The following AGPAT5 variants were observed in gnomAD, a reference collection of about 807,000 sequenced individuals.
AGPAT5 encodes 1-acyl-sn-glycerol-3-phosphate acyltransferase epsilon.
A neutral mutation model predicts 45.6 loss-of-function variants in AGPAT5; 46 were observed. That is an observed-to-expected ratio of 1.01 (90% confidence interval 0.80 to 1.29). AGPAT5 has a LOEUF of 1.29. AGPAT5 is among the 50% of genes most tolerant of loss of function. AGPAT5 has a pLI of 0.00. For missense variants in AGPAT5, 673 were observed against 450.7 expected, an observed-to-expected ratio of 1.49 and a Z score of -4.47; for synonymous variants, 272 against 167.0, an observed-to-expected ratio of 1.63 and a Z score of -4.85.
intron 1 of AGPAT5, among the ~76,000 whole-genome samples, chr8:6,722,391 A>C (rs1053815314): frequency 1.3e-5 from 2 of 152,208 alleles, no homozygotes; most frequent in Non-Finnish European, 2.9e-5. Context: ...ACTTAACAAC[A>C]GCAAAAGTTT....
intron 1 of AGPAT5, among the ~76,000 whole-genome samples, chr8:6,724,071 T>G (rs1800596161): frequency 6.6e-6 from 1 of 152,194 alleles, no homozygotes; most frequent in Non-Finnish European, 1.5e-5. Flanking sequence ...CTAAAATATG[T>G]AAGACACACA....
intron 1 of AGPAT5, among the ~76,000 whole-genome samples, chr8:6,713,321 A>G (rs1350000539): frequency 2.0e-5 from 3 of 152,140 alleles, no homozygotes; most frequent in Admixed American, 6.5e-5. Flanking sequence ...AGTTGGTAAC[A>G]CTTGGAATTT....
At chr8:6,735,668 A>C (rs889778602) in intron 4 of AGPAT5, among the ~76,000 whole-genome samples, 2 of 134,124 alleles carry the variant, frequency 1.5e-5, no homozygotes, top group Non-Finnish European at 3.1e-5. Flanking sequence ...AAAAGTCATG[A>C]ATCTACAGCT....
chr8:6,748,327 G>A (rs1344866034), intron 6 of AGPAT5, among the ~76,000 whole-genome samples: 1 of 152,030 alleles, frequency 6.6e-6, no homozygotes, highest in Non-Finnish European at 1.5e-5. Context: ...GAAAAAAATA[G>A]AATTTTAAGT....
intron 1 of AGPAT5, among the ~76,000 whole-genome samples, chr8:6,722,827 G>C (rs982074422): frequency 2.0e-5 from 3 of 150,216 alleles, no homozygotes; most frequent in African/African-American, 7.6e-5. Flanking sequence ...AATGAAAAGA[G>C]AAATTTTTTT....
intron 1 of AGPAT5, among the ~76,000 whole-genome samples, chr8:6,711,296 G>T (rs1023359601): frequency 6.6e-6 from 1 of 152,028 alleles, no homozygotes; most frequent in Non-Finnish European, 1.5e-5. Context: ...TTGGATTCTG[G>T]GTAAATACCT....
At chr8:6,727,443 G>T (rs1412320894) in intron 2 of AGPAT5, among the ~76,000 whole-genome samples, 1 of 151,726 alleles carries the variant, frequency 6.6e-6, no homozygotes, top group Non-Finnish European at 1.5e-5. Context: ...GTGTAATGGT[G>T]CAATCTCAGC....
Position 6,730,486 on chromosome 8 carries a change from T to A in AGPAT5, c.290-225T>A, listed in dbSNP as rs570106354. Among the ~76,000 whole-genome samples the A allele has an allele frequency of 6.5e-3, 322 of 49,274 alleles. 120 individuals are homozygous for A. Among genetic ancestry groups the A allele is most frequent in the Non-Finnish European group, 8.1e-3 (257 of 31,662 alleles). 32.3% of individuals were successfully genotyped at this position (49,274 alleles called of 152,430 possible). Reference sequence around the variant, plus strand: ...GCTGGGACTACAGGCGCCCGCCACCTCGCCCGGCTAATTTTTTGTATTTTT... The same window carrying A: ...GCTGGGACTACAGGCGCCCGCCACCACGCCCGGCTAATTTTTTGTATTTTT... On this transcript the variant is annotated intron_variant, in intron 2 of 7. Coordinates refer to ENST00000285518, the MANE Select transcript of AGPAT5 (RefSeq NM_018361.5).
intron 1 of AGPAT5, among the ~76,000 whole-genome samples, chr8:6,721,500 G>T (rs552262720): frequency 6.6e-6 from 1 of 152,308 alleles, no homozygotes; most frequent in East Asian, 1.9e-4. Flanking sequence ...GTATGAAGTA[G>T]TTTACATAGT....
intron 4 of AGPAT5, chr8:6,738,357 C>A (rs555307338): frequency 7.2e-5 from 11 of 152,284 alleles, no homozygotes; most frequent in Non-Finnish European, 1.6e-4. Flanking sequence ...GAAAGAGAGA[C>A]AGGAGAACAG....
At chr8:6,731,061 G>A (rs529381001) in intron 3 of AGPAT5, among the ~76,000 whole-genome samples, 1 of 151,876 alleles carries the variant, frequency 6.6e-6, no homozygotes, top group East Asian at 1.9e-4. Context: ...TAGAGATGGG[G>A]GTCTCGCTGT....
At chr8:6,744,913 G>T (rs570794346) in intron 5 of AGPAT5, among the ~76,000 whole-genome samples, 1 of 152,286 alleles carries the variant, frequency 6.6e-6, no homozygotes, top group Non-Finnish European at 1.5e-5. Flanking sequence ...GGAGAACATC[G>T]TAAGATCAAT....
In AGPAT5 at chr8:6,741,342, C is replaced by T. The variant is rs113676869; in HGVS notation, c.496-319C>T. On this transcript the variant is annotated intron_variant, in intron 4 of 7. Transcript: ENST00000285518. ...CTGAAAGGGCAAAAACTCATTGAGG[C>T]TTTGTATGAGTCAGCGTTTCATGGC... 3.3e-5 allele frequency among the ~76,000 whole-genome samples: 5 copies of T among 152,146 alleles called. No individual in the cohort carries two copies. The South Asian group carries it at 6.2e-4, about 19-fold the overall frequency.
chr8:6,714,928 AC>A (rs1160768553), intron 1 of AGPAT5, among the ~76,000 whole-genome samples: 1 of 152,196 alleles, frequency 6.6e-6, no homozygotes, highest in African/African-American at 2.4e-5. Flanking sequence ...TCAGAAGTTA[AC>A]TTTTCCTTTA....
intron 2 of AGPAT5, among the ~76,000 whole-genome samples, chr8:6,725,317 C>T (rs560715950): frequency 4.0e-4 from 61 of 152,296 alleles, no homozygotes; most frequent in African/African-American, 1.4e-3. Context: ...TGCAGAAAAG[C>T]TGTATTGGTA....
chr8:6,746,830 T>C lies in AGPAT5; in HGVS notation c.587-840T>C, dbSNP rs182908742. On this transcript the variant is annotated intron_variant, in intron 5 of 7. Coordinates refer to ENST00000285518, the MANE Select transcript of AGPAT5 (RefSeq NM_018361.5). ...TATTTTCATGTCACTTATTGAGAGC[T>C]ACTGTTTTCTGTTAAATTGTCAGTA... Among the ~76,000 whole-genome samples, 11 of 152,348 alleles carry C rather than the reference T, an allele frequency of 7.2e-5. No homozygotes were observed. In the East Asian group the frequency reaches 1.9e-3, roughly 27 times the overall value.
chr8:6,729,920 G>A (rs1049984881), intron 2 of AGPAT5, among the ~76,000 whole-genome samples: 1 of 152,134 alleles, frequency 6.6e-6, no homozygotes, highest in Admixed American at 6.5e-5. Flanking sequence ...ATCATTGTAA[G>A]GCATGTGAGA....
intron 1 of AGPAT5, among the ~76,000 whole-genome samples, chr8:6,718,672 A>G (rs549308780): frequency 6.6e-6 from 1 of 152,212 alleles, no homozygotes; most frequent in African/African-American, 2.4e-5. Context: ...TTCACAAGAC[A>G]TTCTTACTGG....
intron 2 of AGPAT5, among the ~76,000 whole-genome samples, chr8:6,726,445 G>C (rs372291985): frequency 6.6e-6 from 1 of 152,166 alleles, no homozygotes; most frequent in East Asian, 1.9e-4. Context: ...CCAGGTTTCA[G>C]TATGAACTCC....
Sources: allele counts gnomAD v4.1 joint callset (sites outside exome capture counted in the v4.1 genomes callset), GRCh38; gene constraint gnomAD v4.1.1; transcripts MANE v1.5; gene names NCBI Gene and HGNC (gene_info 2026-07-23, HGNC 2026-07-21).